The following SATB1 variants were observed in gnomAD, a reference collection of about 807,000 sequenced individuals.
The protein encoded by SATB1 is SATB homeobox 1.
In SATB1, 11 loss-of-function variants were observed where a neutral mutation model predicts 86.9. That is an observed-to-expected ratio of 0.13 (90% confidence interval 0.08 to 0.21). The LOEUF is 0.21. SATB1 is among the 10% of genes least tolerant of loss of function. The pLI is 1.00. For missense variants in SATB1, 551 were observed against 937.6 expected (o/e 0.59, Z 5.39); for synonymous variants, 357 against 357.2 (o/e 1.00, Z 0.01).
chr3:18,411,571 T>C (rs1296025406), intron 5 of SATB1, among the ~76,000 whole-genome samples: 2 of 152,004 alleles, frequency 1.3e-5, no homozygotes, highest in African/African-American at 4.8e-5. Context: ...ATTCCCAATT[T>C]TCCTCCCAAA....
chr3:18,440,879 T>C (rs1355539374), upstream of SATB1, among the ~76,000 whole-genome samples: 1 of 152,196 alleles, frequency 6.6e-6, no homozygotes, highest in Non-Finnish European at 1.5e-5. Flanking sequence ...GAATACTTAA[T>C]ATAATAAGCA....
intron 5 of SATB1, among the ~76,000 whole-genome samples, chr3:18,412,038 C>G (rs1332957048): frequency 6.6e-6 from 1 of 151,684 alleles, no homozygotes; most frequent in African/African-American, 2.4e-5. Context: ...GTGGTGCTAT[C>G]TCGGCTAACT....
chr3:18,376,277 G>T (rs1199515093), intron 9 of SATB1, among the ~76,000 whole-genome samples: 1 of 151,928 alleles, frequency 6.6e-6, no homozygotes, highest in East Asian at 1.9e-4. Context: ...TGATGGCGGG[G>T]GTGGGGGTAG....
At chr3:18,443,035 G>T (rs1020944062), upstream of SATB1, among the ~76,000 whole-genome samples, 3 of 152,142 alleles carry the variant, frequency 2.0e-5, no homozygotes, top group African/African-American at 7.2e-5. This position sits in a 1 kb window ranked among gnomAD's most constrained non-coding sequence, Gnocchi z 4.4. Context: ...TTAAAGTATG[G>T]GTTTTTGTTT....
At chr3:18,410,458 C>T (rs1270624184) in intron 5 of SATB1, among the ~76,000 whole-genome samples, 1 of 152,016 alleles carries the variant, frequency 6.6e-6, no homozygotes, top group East Asian at 1.9e-4. Flanking sequence ...TGTCAACATT[C>T]TGTGCCTCAG....
chr3:18,393,308 G>A (rs984314246), intron 7 of SATB1, among the ~76,000 whole-genome samples: 5 of 151,066 alleles, frequency 3.3e-5, no homozygotes, highest in African/African-American at 4.8e-5. Context: ...TCAAAGTTAC[G>A]CGGTTTTTCG....
chr3:18,411,879 T>C (rs940599902), intron 5 of SATB1, among the ~76,000 whole-genome samples: 1 of 152,034 alleles, frequency 6.6e-6, no homozygotes, highest in African/African-American at 2.4e-5. Context: ...AAGGTATGAG[T>C]TGTAAATCAA....
At position 18,349,553 on chromosome 3, in the gene SATB1, A is replaced by T. The variant is rs754102531; in HGVS notation, c.1909T>A (p.Ser637Thr). The change falls in exon 11 of 11, where the codon TCA becomes ACA. Residue 637 changes from serine to threonine, a missense_variant. Coordinates refer to ENST00000338745, the MANE Select transcript of SATB1 (RefSeq NM_002971.6). This position sits in a 1 kb window ranked among gnomAD's most constrained non-coding sequence, Gnocchi z 5.5. Reference sequence around the variant, plus strand: ...GTCTTCTGTCGGTTTTCCTCATCTGACTCTGCTGGAGAGGCCACCGTGGGT... The same window carrying T: ...GTCTTCTGTCGGTTTTCCTCATCTGTCTCTGCTGGAGAGGCCACCGTGGGT... ...RQPTVASPAE[S>T]DEENRQKTRP... The T allele has an allele frequency of 6.2e-7, 1 of 1,613,318 alleles. No individual in the cohort carries two copies. Among genetic ancestry groups the T allele is most frequent in the Non-Finnish European group, 8.5e-7 (1 of 1,179,826 alleles).
intron 9 of SATB1, among the ~76,000 whole-genome samples, chr3:18,370,374 TAAA>T (rs1695407169): frequency 1.3e-5 from 2 of 152,078 alleles, no homozygotes; most frequent in African/African-American, 4.8e-5. Context: ...TTCCCTCTGT[TAAA>T]TCAGACTGCT....
intron 9 of SATB1, among the ~76,000 whole-genome samples, chr3:18,367,030 A>G (rs752236015): frequency 2.6e-5 from 4 of 152,192 alleles, no homozygotes; most frequent in African/African-American, 7.2e-5. Context: ...AAGGGACGTT[A>G]GATATAATAT....
rs558093515 is a variant in SATB1 at position 18,424,261 on chromosome 3, C to T, written c.-659G>A. 2.0e-5 allele frequency: 3 copies of T among 152,040 alleles called. No homozygotes were observed. The highest frequency in any genetic ancestry group is 4.4e-5 in the Non-Finnish European group (3 of 68,032). The allele number at this position is 152,040 out of a possible 1,614,324, so 9.4% of individuals were successfully genotyped here. On this transcript the variant is annotated 5_prime_UTR_variant, in exon 1 of 11. Transcript: ENST00000338745. ...TCTGGCTGTCACTTGCAATATTATT[C>T]TTCAATAACCCCGAATAACGCGCAT...
At chr3:18,359,497 T>A (rs945652353) in intron 9 of SATB1, among the ~76,000 whole-genome samples, 1 of 152,180 alleles carries the variant, frequency 6.6e-6, no homozygotes, top group Admixed American at 6.5e-5. Flanking sequence ...AGGTCTGAAT[T>A]TATTTTTAAA....
intron 8 of SATB1, among the ~76,000 whole-genome samples, chr3:18,382,295 A>G (rs887527286): frequency 6.6e-6 from 1 of 152,162 alleles, no homozygotes; most frequent in Non-Finnish European, 1.5e-5. Context: ...AGATGTAAAA[A>G]ATGAAGAAAA....
At chr3:18,411,099 C>G (rs1393154143) in intron 5 of SATB1, 1 of 383,334 alleles carries the variant, frequency 2.6e-6, no homozygotes, top group African/African-American at 2.1e-5. Context: ...CTCAATATTA[C>G]TTCTAAATGG....
intron 2 of SATB1, 32 bp downstream of exon 2, chr3:18,420,725 A>G: frequency 6.3e-7 from 1 of 1,590,306 alleles, no homozygotes; most frequent in African/African-American, 1.3e-5. Flanking sequence ...CAGGGCTTTC[A>G]GCTTTTCAAG....
At chr3:18,426,154 A>G (rs1003806874), upstream of SATB1, among the ~76,000 whole-genome samples, 7 of 152,212 alleles carry the variant, frequency 4.6e-5, no homozygotes, top group Non-Finnish European at 1.0e-4. The surrounding 1 kb of genome is among the most constrained non-coding windows in gnomAD (Gnocchi z 4.2). Context: ...AATAAAGGCC[A>G]GGAGCCTCGA....
At chr3:18,351,835 T>A (rs1004039652) in intron 10 of SATB1, 157 bp downstream of exon 10, 2 of 668,864 alleles carry the variant, frequency 3.0e-6, no homozygotes, top group Non-Finnish European at 5.2e-6. Context: ...TATGTTAATA[T>A]TCATTTTATC....
chr3:18,386,432 G>C lies in SATB1; in HGVS notation c.1386C>G (p.Pro462=), dbSNP rs2229261. The C allele has an allele frequency of 2.5e-6, 4 of 1,613,448 alleles. No homozygotes were observed. Among genetic ancestry groups the C allele is most frequent in the East Asian group, 4.5e-5 (2 of 44,852 alleles). ...LNAASAMGPA[P]LISTPPSRPP... ...GACGGCTGGGTGGTGTGCTGATGAG[G>C]GGGGCAGGACCCATGGCCGAGGCAG... Residue 462 remains proline, a synonymous_variant, in exon 8 of 11, where the codon CCC becomes CCG. Coordinates refer to ENST00000338745, the MANE Select transcript of SATB1 (RefSeq NM_002971.6). The surrounding 1 kb of genome is among the most constrained non-coding windows in gnomAD (Gnocchi z 4.5).
At chr3:18,411,929 C>T (rs1427659209) in intron 5 of SATB1, among the ~76,000 whole-genome samples, 2 of 151,872 alleles carry the variant, frequency 1.3e-5, no homozygotes, top group Admixed American at 6.6e-5. Flanking sequence ...TGAAGAAAAC[C>T]TTATGAATAT....
Sources: allele counts gnomAD v4.1 joint callset (sites outside exome capture counted in the v4.1 genomes callset), GRCh38; gene constraint gnomAD v4.1.1; non-coding constraint Gnocchi (gnomAD v3.1); transcripts MANE v1.5; gene names NCBI Gene and HGNC (gene_info 2026-07-23, HGNC 2026-07-21).